Variants in GRIP1 observed in about 807,000 individuals in gnomAD.
The protein encoded by GRIP1 is glutamate receptor-interacting protein 1.
A neutral mutation model predicts 129.9 loss-of-function variants in GRIP1; 45 were observed. The ratio of observed to expected loss-of-function variants is 0.35; its 90% CI spans 0.27 to 0.44. The LOEUF (loss-of-function observed/expected upper bound fraction) is 0.44, where lower values mean the gene tolerates loss of function less well. Among genes scored for constraint, GRIP1 ranks in the 20% least tolerant of loss-of-function variants. The pLI is 1.00. For missense variants in GRIP1, 1,196 were observed against 1,396.8 expected (o/e 0.86, Z 2.29); for synonymous variants, 530 against 520.8 (o/e 1.02, Z -0.24).
At chr12:66,596,401 T>C (rs916205034) in intron 2 of GRIP1, among the ~76,000 whole-genome samples, 1 of 152,186 alleles carries the variant, frequency 6.6e-6, no homozygotes, top group Non-Finnish European at 1.5e-5. Flanking sequence ...ATAAGAGCTG[T>C]CCAATGGAAG....
At chr12:67,005,414 A>T (rs2042612213) in intron 1 of GRIP1, among the ~76,000 whole-genome samples, 1 of 152,222 alleles carries the variant, frequency 6.6e-6, no homozygotes, top group African/African-American at 2.4e-5. Flanking sequence ...TGATAATATC[A>T]TCTGACATTC....
rs568744481 is a variant in GRIP1, at chr12:66,975,211, T to C, written c.58+93839A>G. ...GGTCACATCACAATGAAAACACCTCTTGCCAAGCCTGGCACCAGAAATATA... is the reference window on the plus strand; with the variant it reads ...GGTCACATCACAATGAAAACACCTCCTGCCAAGCCTGGCACCAGAAATATA... On this transcript the variant is annotated intron_variant, in intron 1 of 1. Coordinates refer to the GRIP1 transcript ENST00000643019. 2.6e-5 allele frequency among the ~76,000 whole-genome samples: 4 copies of C among 152,316 alleles called. No homozygotes were observed. In the East Asian group the frequency reaches 7.7e-4, roughly 29 times the overall value.
chr12:67,049,659 C>T (rs1483778049), intron 1 of GRIP1, among the ~76,000 whole-genome samples: 3 of 151,378 alleles, frequency 2.0e-5, no homozygotes, highest in African/African-American at 7.3e-5. Flanking sequence ...AGCAAACCAC[C>T]ATGGCACATG....
intron 1 of GRIP1, among the ~76,000 whole-genome samples, chr12:66,642,060 C>T (rs61926113): frequency 0.2 from 29,779 of 152,016 alleles, 3,051 homozygotes; most frequent in Non-Finnish European, 0.23. Context: ...AGAGCTTGGA[C>T]GACCTTATCA....
At chr12:66,358,593 G>A (rs144142467) in intron 23 of GRIP1, among the ~76,000 whole-genome samples, 179 of 152,100 alleles carry the variant, frequency 1.2e-3, no homozygotes, top group African/African-American at 4.0e-3. Flanking sequence ...GATTACAGGC[G>A]CATGCCACTC....
chr12:66,430,381 G>A (rs1177937851), intron 14 of GRIP1, among the ~76,000 whole-genome samples: 3 of 152,114 alleles, frequency 2.0e-5, no homozygotes, highest in Non-Finnish European at 2.9e-5. Flanking sequence ...TTCTCTGTCC[G>A]GGAATAGCAT....
chr12:66,714,863 C>T (rs2035822419), intron 1 of GRIP1, among the ~76,000 whole-genome samples: 1 of 147,958 alleles, frequency 6.8e-6, no homozygotes, highest in African/African-American at 2.5e-5. Context: ...CCTACCAACT[C>T]ACCCATCTAT....
At chr12:66,809,516 A>G (rs1189508920) in intron 1 of GRIP1, among the ~76,000 whole-genome samples, 1 of 152,200 alleles carries the variant, frequency 6.6e-6, no homozygotes, top group African/African-American at 2.4e-5. Context: ...TGGGAAAGAA[A>G]AAAACACTCT....
chr12:66,641,676 A>G (rs554398326), intron 1 of GRIP1, among the ~76,000 whole-genome samples: 312 of 152,272 alleles, frequency 2.0e-3, no homozygotes, highest in Non-Finnish European at 3.9e-3. Context: ...TATTTCTTTG[A>G]GTTAATACAA....
At chr12:66,528,292 G>T (rs537477832) in intron 5 of GRIP1, among the ~76,000 whole-genome samples, 1 of 151,792 alleles carries the variant, frequency 6.6e-6, no homozygotes, top group Non-Finnish European at 1.5e-5. Flanking sequence ...CTGCCACCAC[G>T]CCCGGCTAAT....
chr12:66,499,816 C>A (rs1267239586), intron 7 of GRIP1, among the ~76,000 whole-genome samples: 8 of 152,020 alleles, frequency 5.3e-5, no homozygotes, highest in Non-Finnish European at 1.0e-4. Flanking sequence ...TCAGCCTGGG[C>A]AACACAGGGA....
chr12:67,000,754 T>C (rs1323675562), intron 1 of GRIP1, among the ~76,000 whole-genome samples: 1 of 152,196 alleles, frequency 6.6e-6, no homozygotes, highest in Non-Finnish European at 1.5e-5. Context: ...TTCTGGCATA[T>C]AGATTTTGGA....
intron 1 of GRIP1, among the ~76,000 whole-genome samples, chr12:66,842,127 C>T (rs969630548): frequency 6.6e-6 from 1 of 151,784 alleles, no homozygotes; most frequent in Non-Finnish European, 1.5e-5. Context: ...AAAGTATATG[C>T]CCATGATAGA....
At chr12:66,412,919 T>C (rs1375593125) in intron 15 of GRIP1, among the ~76,000 whole-genome samples, 1 of 152,080 alleles carries the variant, frequency 6.6e-6, no homozygotes, top group Non-Finnish European at 1.5e-5. Context: ...GTATCCTAAA[T>C]ATATATGCCC....
chr12:66,992,347 C>T (rs2042405805), intron 1 of GRIP1, among the ~76,000 whole-genome samples: 1 of 149,992 alleles, frequency 6.7e-6, no homozygotes, highest in Non-Finnish European at 1.5e-5. Flanking sequence ...AATACCTGTA[C>T]CCTAGAAAAA....
intron 1 of GRIP1, among the ~76,000 whole-genome samples, chr12:66,857,556 GAA>G (rs61311434): frequency 9.5e-5 from 12 of 125,690 alleles, no homozygotes; most frequent in Admixed American, 3.2e-4. Flanking sequence ...CTAGTCTCAG[GAA>G]AAAAAAAAAA....
chr12:66,561,374 G>A (rs2062521769), intron 2 of GRIP1, among the ~76,000 whole-genome samples: 1 of 152,016 alleles, frequency 6.6e-6, no homozygotes. Context: ...TTGAGGTGAT[G>A]GATACCCCAT....
chr12:66,355,517 A>ATG (rs1372210033), intron 23 of GRIP1, among the ~76,000 whole-genome samples: 1 of 152,096 alleles, frequency 6.6e-6, no homozygotes, highest in African/African-American at 2.4e-5. Context: ...GTGTGGGGTT[A>ATG]TGTGTGTGTG....
intron 1 of GRIP1, among the ~76,000 whole-genome samples, chr12:66,786,781 C>T (rs1319951081): frequency 6.6e-6 from 1 of 152,180 alleles, no homozygotes; most frequent in Non-Finnish European, 1.5e-5. Flanking sequence ...CCTTGAGCAA[C>T]ACCCAGTTTA....
Sources: gnomAD v4.1 joint callset for allele counts (sites outside exome capture counted in the v4.1 genomes callset) on GRCh38, gnomAD v4.1.1 for gene constraint, MANE v1.5 for transcripts, NCBI Gene and HGNC (gene_info 2026-07-23, HGNC 2026-07-21) for gene names.